PFKP: variants seen among roughly 807,000 people sequenced by gnomAD.
PFKP encodes ATP-dependent 6-phosphofructokinase, platelet type.
Under a neutral mutation model 94.3 loss-of-function variants are expected in PFKP, and 101 were observed. The ratio of observed to expected loss-of-function variants is 1.07; its 90% CI spans 0.91 to 1.26. The LOEUF is 1.26. Ranked by LOEUF, PFKP falls within the 50% of genes most tolerant of loss-of-function variation. The probability of loss-of-function intolerance (pLI) is 0.00; values close to 1 mark genes in which losing one functional copy is unlikely to be tolerated. For synonymous variants in PFKP, 573 were observed against 432.6 expected (o/e 1.32, Z -4.03); for missense variants, 1,145 against 1,103.3 (o/e 1.04, Z -0.53).
At chr10:3,071,731 C>CT (rs1201111282) in intron 1 of PFKP, among the ~76,000 whole-genome samples, 2 of 152,154 alleles carry the variant, frequency 1.3e-5, no homozygotes, top group African/African-American at 4.8e-5. Flanking sequence ...AAGCTGCGTC[C>CT]TTTTTGCCTG....
intron 2 of PFKP, 65 bp downstream of exon 2, chr10:3,082,526 G>C (rs1833165882): frequency 1.7e-6 from 2 of 1,192,490 alleles, no homozygotes; most frequent in Non-Finnish European, 2.4e-6. Flanking sequence ...GCAGTCACCG[G>C]CGCTCGCTCA....
At chr10:3,101,615 C>A in intron 4 of PFKP, 61 bp downstream of exon 4, 2 of 1,220,874 alleles carry the variant, frequency 1.6e-6, no homozygotes, top group South Asian at 3.3e-5. Flanking sequence ...GCTTTGGAAC[C>A]GACAGGTTTC....
At position 3,119,193 on chromosome 10, in the gene PFKP, G is replaced by C. The variant is rs1415710599; in HGVS notation, c.1530+324G>C. ...GAGTCCAGAGTCCAGTGGCTACTTA[G>C]AGACTAAGGTAGTTATACCTAGAAT... On this transcript the variant is annotated intron_variant, in intron 15 of 21. Transcript: ENST00000381125. Among the ~76,000 whole-genome samples the C allele has an allele frequency of 3.3e-5, 5 of 152,184 alleles. No individual in the cohort carries two copies. In the East Asian group the frequency reaches 9.6e-4, roughly 29 times the overall value.
At chr10:3,127,317 A>G (rs1306703636) in intron 16 of PFKP, among the ~76,000 whole-genome samples, 4 of 152,256 alleles carry the variant, frequency 2.6e-5, no homozygotes, top group Non-Finnish European at 5.9e-5. Flanking sequence ...CCCCTGGGGC[A>G]GCCTGGCGGG....
intron 2 of PFKP, 91 bp downstream of exon 2, chr10:3,082,552 T>G (rs975492650): frequency 2.3e-6 from 2 of 859,018 alleles, no homozygotes; most frequent in Non-Finnish European, 3.6e-6. Context: ...GCCTCCCCCA[T>G]GCTGAGCACA....
At chr10:3,077,928 A>C (rs914083333) in intron 1 of PFKP, among the ~76,000 whole-genome samples, 1 of 152,206 alleles carries the variant, frequency 6.6e-6, no homozygotes, top group Non-Finnish European at 1.5e-5. Context: ...TTCCCTGAAA[A>C]CTGGGATTTT....
At chr10:3,089,464 G>A (rs1207414769) in intron 2 of PFKP, among the ~76,000 whole-genome samples, 2 of 152,074 alleles carry the variant, frequency 1.3e-5, no homozygotes, top group Non-Finnish European at 1.5e-5. Context: ...TATATGCCCA[G>A]CAGTGGGGCT....
chr10:3,105,240 T>A (rs1407927375), intron 6 of PFKP, 81 bp downstream of exon 6: 5 of 1,403,454 alleles, frequency 3.6e-6, no homozygotes, highest in African/African-American at 1.4e-5. Flanking sequence ...GCACCCCACA[T>A]CCTGAATGCT....
intron 7 of PFKP, among the ~76,000 whole-genome samples, chr10:3,105,833 T>TGG (rs947815782): frequency 7.9e-5 from 12 of 152,078 alleles, no homozygotes; most frequent in African/African-American, 2.9e-4. Context: ...TTTCTATGGG[T>TGG]GGGTCTTTAA....
rs74461952 is a variant in PFKP at position 3,123,345 on chromosome 10, C to T, written c.1683+3301C>T. On this transcript the variant is annotated intron_variant, in intron 16 of 21. Transcript: ENST00000381125. ...TCGTGACTGATTCACAGCCTGGCTG[C>T]GCTTGGTCTTGAGAATTTTATGTTT... Among the ~76,000 whole-genome samples, 849 of 152,338 alleles carry T rather than the reference C, an allele frequency of 5.6e-3. 7 individuals carry two copies. Among genetic ancestry groups the T allele is most frequent in the Middle Eastern group, 0.031 (9 of 294 alleles).
At chr10:3,113,548 A>G in intron 13 of PFKP, 30 bp downstream of exon 13, 1 of 1,605,156 alleles carries the variant, frequency 6.2e-7, no homozygotes, top group Non-Finnish European at 8.5e-7. Flanking sequence ...GTAGGCAGGC[A>G]GACACCCTGG....
At chr10:3,078,829 C>T (rs1449823910) in intron 1 of PFKP, among the ~76,000 whole-genome samples, 1 of 152,176 alleles carries the variant, frequency 6.6e-6, no homozygotes, top group African/African-American at 2.4e-5. Flanking sequence ...TGGGCCCCAC[C>T]GAGTGCTGCC....
chr10:3,100,944 G>A (rs1564297780), intron 3 of PFKP: 3 of 1,612,116 alleles, frequency 1.9e-6, no homozygotes, highest in Middle Eastern at 1.7e-4. Context: ...TGACTGGAGG[G>A]AGAAGCCTGG....
Position 3,115,103 on chromosome 10 carries a change from C to CCAT in PFKP, c.1371+1586_1371+1588dup, listed in dbSNP as rs561597962. On this transcript the variant is annotated intron_variant, in intron 13 of 21. Transcript: ENST00000381125. ...ATAAACAGAGGAGGCAAGGATCACT[C>CCAT]CATTCCTGGCCTGAGCACATGGAAA... Among the ~76,000 whole-genome samples, 94 of 152,290 alleles carry CCAT rather than the reference C, an allele frequency of 6.2e-4. No homozygotes were observed. In the South Asian group the frequency reaches 9.5e-3, roughly 15 times the overall value.
At chr10:3,099,233 A>T (rs1834755383) in intron 2 of PFKP, 42 bp from the exon 3 acceptor site, 1 of 1,436,356 alleles carries the variant, frequency 7.0e-7, no homozygotes, top group African/African-American at 1.4e-5. Flanking sequence ...CCATTTAGTG[A>T]AGTTTATCTC....
chr10:3,080,801 AGAGG>A (rs1306188608), intron 1 of PFKP, among the ~76,000 whole-genome samples: 3 of 152,194 alleles, frequency 2.0e-5, no homozygotes. Context: ...GGCTCATGTC[AGAGG>A]GAGTCAGGGA....
intron 2 of PFKP, among the ~76,000 whole-genome samples, chr10:3,083,981 T>C (rs1448988029): frequency 2.0e-5 from 3 of 152,254 alleles, no homozygotes; most frequent in African/African-American, 7.2e-5. Context: ...TCTTGTTGAA[T>C]TGATGTCTCA....
At chr10:3,093,946 C>T (rs1845994396) in intron 2 of PFKP, among the ~76,000 whole-genome samples, 2 of 152,196 alleles carry the variant, frequency 1.3e-5, no homozygotes, top group Admixed American at 6.5e-5. Flanking sequence ...TCTGTCGTAG[C>T]ATTATCTTTT....
intron 4 of PFKP, among the ~76,000 whole-genome samples, chr10:3,103,479 C>G (rs1835218111): frequency 1.3e-5 from 2 of 151,806 alleles, no homozygotes; most frequent in South Asian, 2.1e-4. Flanking sequence ...TGTGGGTCTA[C>G]AAAAAAAATT....
Sources: gnomAD v4.1 joint callset for allele counts (sites outside exome capture counted in the v4.1 genomes callset) on GRCh38, gnomAD v4.1.1 for gene constraint, MANE v1.5 for transcripts, NCBI Gene and HGNC (gene_info 2026-07-23, HGNC 2026-07-21) for gene names.